Variants in FSTL4 observed in about 807,000 individuals in gnomAD.
FSTL4 encodes follistatin-related protein 4.
Under a neutral mutation model 78.2 loss-of-function variants are expected in FSTL4, and 28 were observed. The ratio of observed to expected loss-of-function variants is 0.36; its 90% CI spans 0.27 to 0.49. The LOEUF (loss-of-function observed/expected upper bound fraction) is 0.49. Ranked by LOEUF, FSTL4 falls within the 20% of genes least tolerant of loss-of-function variation. The pLI is 0.98. For synonymous variants in FSTL4, 422 were observed against 440.5 expected, an observed-to-expected ratio of 0.96 and a Z score of 0.53; for missense variants, 922 against 1,084.9, an observed-to-expected ratio of 0.85 and a Z score of 2.11.
chr5:133,707,243 T>C, the FSTL4 span, among the ~76,000 whole-genome samples: 1 of 152,118 alleles, frequency 6.6e-6, no homozygotes, highest in African/African-American at 2.4e-5. Context: ...TCCTCCAGGA[T>C]CCTGCCCACC....
At chr5:133,280,955 A>G (rs1486772160) in intron 6 of FSTL4, among the ~76,000 whole-genome samples, 1 of 152,002 alleles carries the variant, frequency 6.6e-6, no homozygotes, top group Non-Finnish European at 1.5e-5. Flanking sequence ...CTGTTTTCCT[A>G]TCTTTCTCCC....
chr5:133,606,629 C>T (rs993287518), intron 1 of FSTL4, among the ~76,000 whole-genome samples: 2 of 152,212 alleles, frequency 1.3e-5, no homozygotes, highest in Admixed American at 6.5e-5. Context: ...TATCTACTAT[C>T]AAACATTGCT....
At chr5:133,322,427 G>A (rs1754093938) in intron 4 of FSTL4, among the ~76,000 whole-genome samples, 1 of 152,138 alleles carries the variant, frequency 6.6e-6, no homozygotes, top group South Asian at 2.1e-4. Flanking sequence ...CTCCCCCAAA[G>A]CAGTCCCTGA....
At chr5:133,245,513 C>T (rs1012841069) in intron 7 of FSTL4, among the ~76,000 whole-genome samples, 2 of 152,226 alleles carry the variant, frequency 1.3e-5, no homozygotes. Flanking sequence ...CTATACACTT[C>T]TTTCTCACTC....
intron 2 of FSTL4, among the ~76,000 whole-genome samples, chr5:133,595,617 A>G (rs991829150): frequency 2.6e-5 from 4 of 152,190 alleles, no homozygotes; most frequent in African/African-American, 9.6e-5. Context: ...TGAAGTTGAC[A>G]CATCAGACTG....
the FSTL4 span, among the ~76,000 whole-genome samples, chr5:133,737,308 AT>A: frequency 2.0e-5 from 3 of 151,930 alleles, no homozygotes; most frequent in Non-Finnish European, 4.4e-5. Flanking sequence ...ATGTCCATGA[AT>A]TCAATTGTTT....
chr5:133,375,292 A>ATATATATATGTGTGTG (rs1491318457), intron 4 of FSTL4, among the ~76,000 whole-genome samples: 6 of 63,330 alleles, frequency 9.5e-5, no homozygotes, highest in African/African-American at 4.0e-4. Context: ...TGTGCATGGC[A>ATATATATATGTGTGTG]TATATATATA....
At chr5:133,548,036 G>A (rs913439183) in intron 3 of FSTL4, among the ~76,000 whole-genome samples, 1 of 152,184 alleles carries the variant, frequency 6.6e-6, no homozygotes, top group Non-Finnish European at 1.5e-5. Context: ...GGAGAACAAT[G>A]TAGCCTGATT....
At chr5:133,732,970 T>C in the FSTL4 span, among the ~76,000 whole-genome samples, 1 of 152,226 alleles carries the variant, frequency 6.6e-6, no homozygotes, top group African/African-American at 2.4e-5. Context: ...ATGGCTTCTC[T>C]ATGCTCAAGT....
Position 133,196,504 on chromosome 5 carries a change from A to C in FSTL4, c.*2591T>G, listed in dbSNP as rs527670131. On this transcript the variant is annotated 3_prime_UTR_variant, in exon 16 of 16. Transcript: ENST00000265342. ...AAAATGACTGAGGGGGTTTATATAA[A>C]TAGCTTTCTTGATGATTCTTTTGGT... The C allele has an allele frequency of 6.6e-6, 1 of 152,258 alleles. No homozygotes were observed. The highest frequency in any genetic ancestry group is 1.9e-4 in the East Asian group (1 of 5,184). The allele number at this position is 152,258 out of a possible 1,614,324, so 9.4% of individuals were successfully genotyped here.
chr5:133,430,592 G>A (rs1414327325), intron 3 of FSTL4, among the ~76,000 whole-genome samples: 3 of 152,166 alleles, frequency 2.0e-5, no homozygotes, highest in African/African-American at 7.2e-5. Context: ...CACCACCCGT[G>A]TCTTTTTAGC....
At chr5:133,334,452 G>C (rs1205455698) in intron 4 of FSTL4, among the ~76,000 whole-genome samples, 1 of 152,148 alleles carries the variant, frequency 6.6e-6, no homozygotes, top group Admixed American at 6.5e-5. Flanking sequence ...TAGTGGGTAT[G>C]CTTGGGTGGG....
At chr5:133,271,983 G>A (rs890668687) in intron 6 of FSTL4, among the ~76,000 whole-genome samples, 1 of 152,256 alleles carries the variant, frequency 6.6e-6, no homozygotes, top group Non-Finnish European at 1.5e-5. Flanking sequence ...CTTTGACCGG[G>A]GGGCTTTGGA....
Position 133,296,749 on chromosome 5 carries a change from C to T in FSTL4, c.727+15905G>A, listed in dbSNP as rs149880619. 6.1e-3 allele frequency among the ~76,000 whole-genome samples: 927 copies of T among 152,314 alleles called. 5 individuals carry two copies. Among genetic ancestry groups the T allele is most frequent in the Middle Eastern group, 0.024 (7 of 294 alleles). On this transcript the variant is annotated intron_variant, in intron 6 of 15. Coordinates refer to ENST00000265342, the MANE Select transcript of FSTL4 (RefSeq NM_015082.2). The stretch of plus-strand genomic sequence containing the variant: ...AAAGTACTACCCACGTTGTAATCTA[C>T]GCATCCATTGTTGTTTATCTGTGTC...
intron 3 of FSTL4, among the ~76,000 whole-genome samples, chr5:133,563,309 T>C (rs1170036717): frequency 6.6e-6 from 1 of 152,210 alleles, no homozygotes; most frequent in African/African-American, 2.4e-5. Context: ...CTCTCTGGGC[T>C]TGGCAGCCAA....
intron 4 of FSTL4, among the ~76,000 whole-genome samples, chr5:133,358,326 C>T (rs999036797): frequency 5.9e-5 from 9 of 152,128 alleles, no homozygotes; most frequent in South Asian, 2.1e-4. Flanking sequence ...AGCATCCTGA[C>T]GAACACACTG....
At chr5:133,544,093 C>T (rs1263600667) in intron 3 of FSTL4, among the ~76,000 whole-genome samples, 4 of 152,040 alleles carry the variant, frequency 2.6e-5, no homozygotes, top group African/African-American at 9.7e-5. Context: ...TTCTGCCAAA[C>T]TTTTAAAGTT....
At chr5:133,701,409 A>C in the FSTL4 span, among the ~76,000 whole-genome samples, 1 of 150,502 alleles carries the variant, frequency 6.6e-6, no homozygotes, top group Non-Finnish European at 1.5e-5. Flanking sequence ...TCTCAAAAAA[A>C]AAAAAAAAGA....
At chr5:133,217,998 C>T (rs935444947) in intron 12 of FSTL4, among the ~76,000 whole-genome samples, 1 of 152,174 alleles carries the variant, frequency 6.6e-6, no homozygotes, top group African/African-American at 2.4e-5. Flanking sequence ...GCTTTAAATA[C>T]ATTCTATGTG....
Sources: gnomAD v4.1 joint callset for allele counts (sites outside exome capture counted in the v4.1 genomes callset) on GRCh38, gnomAD v4.1.1 for gene constraint, MANE v1.5 for transcripts, NCBI Gene and HGNC (gene_info 2026-07-23, HGNC 2026-07-21) for gene names.